CTNNA2: variants seen among roughly 807,000 people sequenced by gnomAD.
CTNNA2 encodes catenin alpha 2.
Under a neutral mutation model 101.0 loss-of-function variants are expected in CTNNA2, and 42 were observed. That is an observed-to-expected ratio of 0.42 (90% CI 0.32 to 0.54). The LOEUF (loss-of-function observed/expected upper bound fraction) is 0.54, where lower values mean the gene tolerates loss of function less well. Ranked by LOEUF, CTNNA2 falls within the 20% of genes least tolerant of loss-of-function variation. The probability of loss-of-function intolerance (pLI) is 0.14; values close to 1 mark genes in which losing one functional copy is unlikely to be tolerated. For synonymous variants in CTNNA2, 450 were observed against 456.4 expected (o/e 0.99, Z 0.18); for missense variants, 871 against 1,223.1 (o/e 0.71, Z 4.29).
intron 2 of CTNNA2, among the ~76,000 whole-genome samples, chr2:79,298,268 G>T (rs562724784): frequency 6.6e-6 from 1 of 152,158 alleles, no homozygotes; most frequent in South Asian, 2.1e-4. Flanking sequence ...GAGATGCCAG[G>T]CTCCTTTTAA....
intron 9 of CTNNA2, among the ~76,000 whole-genome samples, chr2:80,447,427 C>G (rs1268086002): frequency 6.6e-6 from 1 of 152,162 alleles, no homozygotes; most frequent in Non-Finnish European, 1.5e-5. Context: ...AGTCTAGAAG[C>G]AAGCTTCTTG....
chr2:80,313,526 C>G (rs750261248), intron 7 of CTNNA2: 1 of 1,601,788 alleles, frequency 6.2e-7, no homozygotes, highest in East Asian at 2.2e-5. Context: ...GCTAATTGAG[C>G]AAGACCAGGT....
chr2:79,579,802 C>A (rs938929241), intron 1 of CTNNA2, among the ~76,000 whole-genome samples: 1 of 151,940 alleles, frequency 6.6e-6, no homozygotes, highest in East Asian at 2.0e-4. Context: ...TTAGTAGAGA[C>A]GGGGTTTCTC....
intron 4 of CTNNA2, among the ~76,000 whole-genome samples, chr2:79,422,933 T>A (rs929596788): frequency 8.5e-5 from 13 of 152,192 alleles, no homozygotes; most frequent in African/African-American, 2.9e-4. Flanking sequence ...CAGTTTGTTG[T>A]ATTTTATGCT....
intron 1 of CTNNA2, among the ~76,000 whole-genome samples, chr2:79,556,783 T>C (rs1214359392): frequency 1.3e-5 from 2 of 152,030 alleles, no homozygotes; most frequent in Non-Finnish European, 2.9e-5. Context: ...GTCTCAGTTT[T>C]TAAATTTGGA....
At chr2:79,771,313 C>T (rs1189888711) in intron 3 of CTNNA2, among the ~76,000 whole-genome samples, 1 of 152,178 alleles carries the variant, frequency 6.6e-6, no homozygotes, top group Non-Finnish European at 1.5e-5. Context: ...GCTCAGCGGT[C>T]CCAACCTTTC....
chr2:79,322,900 A>C (rs1220601097), intron 3 of CTNNA2, among the ~76,000 whole-genome samples: 1 of 152,148 alleles, frequency 6.6e-6, no homozygotes, highest in Admixed American at 6.5e-5. Context: ...TGTGGCTTTC[A>C]CTAGTGAGGC....
intron 7 of CTNNA2, among the ~76,000 whole-genome samples, chr2:80,049,063 T>G (rs1354339701): frequency 6.6e-6 from 1 of 152,212 alleles, no homozygotes; most frequent in Non-Finnish European, 1.5e-5. Flanking sequence ...TAGCAAGATC[T>G]AATCTGTAAT....
At chr2:79,887,052 A>G (rs1035502189) in intron 6 of CTNNA2, among the ~76,000 whole-genome samples, 8 of 152,016 alleles carry the variant, frequency 5.3e-5, no homozygotes, top group Admixed American at 4.6e-4. Context: ...CCTGAACTCA[A>G]GTGATCTGCC....
intron 7 of CTNNA2, among the ~76,000 whole-genome samples, chr2:80,211,731 T>A (rs926990759): frequency 6.6e-6 from 1 of 152,168 alleles, no homozygotes; most frequent in Non-Finnish European, 1.5e-5. Flanking sequence ...AACTTTAAAG[T>A]AGTTTTTTTC....
intron 2 of CTNNA2, among the ~76,000 whole-genome samples, chr2:79,706,820 A>G (rs564499085): frequency 6.6e-6 from 1 of 152,184 alleles, no homozygotes; most frequent in South Asian, 2.1e-4. Context: ...ATATTTTTGG[A>G]GCTGTGTACT....
intron 7 of CTNNA2, among the ~76,000 whole-genome samples, chr2:80,112,226 A>T (rs950101594): frequency 6.6e-6 from 1 of 152,370 alleles, no homozygotes; most frequent in Middle Eastern, 3.4e-3. Context: ...TTACATTTTT[A>T]AATGGCTAAC....
chr2:79,644,403 T>C (rs1680663562), intron 1 of CTNNA2, among the ~76,000 whole-genome samples: 1 of 152,114 alleles, frequency 6.6e-6, no homozygotes, highest in African/African-American at 2.4e-5. Flanking sequence ...CGGGATAATT[T>C]CCCTTTTTTA....
At chr2:80,056,487 G>A (rs1384584715) in intron 7 of CTNNA2, among the ~76,000 whole-genome samples, 1 of 152,172 alleles carries the variant, frequency 6.6e-6, no homozygotes, top group Non-Finnish European at 1.5e-5. Flanking sequence ...TTTCCCAGAC[G>A]TTGCCCATAG....
At chr2:79,668,531 G>A (rs962753464) in intron 2 of CTNNA2, among the ~76,000 whole-genome samples, 2 of 152,008 alleles carry the variant, frequency 1.3e-5, no homozygotes, top group Non-Finnish European at 2.9e-5. Flanking sequence ...CAGGTTGTAA[G>A]GAATAAGAAC....
At chr2:79,551,409 G>A (rs79072724) in intron 1 of CTNNA2, among the ~76,000 whole-genome samples, 1 of 152,132 alleles carries the variant, frequency 6.6e-6, no homozygotes, top group Non-Finnish European at 1.5e-5. Flanking sequence ...TGAAAGGAGG[G>A]TGCTCAGGGA....
chr2:80,281,836 A>G (rs1674407279), intron 7 of CTNNA2, among the ~76,000 whole-genome samples: 1 of 152,110 alleles, frequency 6.6e-6, no homozygotes, highest in Non-Finnish European at 1.5e-5. Context: ...ATTCTCTAGT[A>G]TATATGGTTA....
chr2:79,294,796 G>A (rs1208546742), intron 2 of CTNNA2, among the ~76,000 whole-genome samples: 1 of 152,012 alleles, frequency 6.6e-6, no homozygotes, highest in East Asian at 1.9e-4. Context: ...ACTTTAGCTA[G>A]TATATAATAT....
intron 7 of CTNNA2, among the ~76,000 whole-genome samples, chr2:80,206,534 A>T (rs1296510140): frequency 6.6e-6 from 1 of 152,244 alleles, no homozygotes; most frequent in Non-Finnish European, 1.5e-5. Flanking sequence ...GTGGAGAAGC[A>T]ACAAAAACAC....
Sources: allele counts gnomAD v4.1 joint callset (sites outside exome capture counted in the v4.1 genomes callset), GRCh38; gene constraint gnomAD v4.1.1; transcripts MANE v1.5; gene names NCBI Gene and HGNC (gene_info 2026-07-23, HGNC 2026-07-21).